CDH18: variants seen among roughly 807,000 people sequenced by gnomAD.
CDH18 encodes the protein cadherin 18.
A neutral mutation model predicts 67.9 loss-of-function variants in CDH18; 31 were observed. The observed-to-expected ratio is 0.46, with a 90% CI of 0.34 to 0.62. The LOEUF (loss-of-function observed/expected upper bound fraction) is 0.62. Among genes scored for constraint, CDH18 ranks in the 20% least tolerant of loss-of-function variants. The pLI is 0.01. For missense variants in CDH18, 890 were observed against 975.5 expected (o/e 0.91, Z 1.17); for synonymous variants, 362 against 347.2 (o/e 1.04, Z -0.48).
intron 1 of CDH18, among the ~76,000 whole-genome samples, chr5:20,343,675 C>A (rs77869597): frequency 0.017 from 2,513 of 152,168 alleles, 78 homozygotes; most frequent in African/African-American, 0.058. Context: ...ACTGGTTGAG[C>A]AAATTGCTCT....
chr5:20,274,960 C>T (rs1432150968), intron 1 of CDH18, among the ~76,000 whole-genome samples: 1 of 152,094 alleles, frequency 6.6e-6, no homozygotes, highest in Non-Finnish European at 1.5e-5. Context: ...TTTGCCTTGA[C>T]ATGCTTGTTA....
intron 5 of CDH18, among the ~76,000 whole-genome samples, chr5:19,694,517 G>T (rs1402996196): frequency 6.6e-6 from 1 of 152,046 alleles, no homozygotes; most frequent in Non-Finnish European, 1.5e-5. Context: ...TTTAATTAAG[G>T]CTAACTATAA....
chr5:20,216,957 T>A (rs541544620), intron 2 of CDH18, among the ~76,000 whole-genome samples: 1 of 151,836 alleles, frequency 6.6e-6, no homozygotes, highest in African/African-American at 2.4e-5. Context: ...GGAAACCTTA[T>A]TAGCCAGAAA....
chr5:19,621,345 C>T (rs1750667195), intron 5 of CDH18, among the ~76,000 whole-genome samples: 1 of 151,612 alleles, frequency 6.6e-6, no homozygotes, highest in Non-Finnish European at 1.5e-5. Flanking sequence ...ACCTCATCAA[C>T]ACCTGTCTTG....
At chr5:19,856,182 C>G (rs575499304) in intron 2 of CDH18, among the ~76,000 whole-genome samples, 1 of 152,326 alleles carries the variant, frequency 6.6e-6, no homozygotes, top group Non-Finnish European at 1.5e-5. Flanking sequence ...TCAGCTTCAG[C>G]TGAGAGCTGA....
chr5:19,677,719 T>C (rs1254430020), intron 5 of CDH18, among the ~76,000 whole-genome samples: 2 of 150,670 alleles, frequency 1.3e-5, no homozygotes, highest in African/African-American at 2.4e-5. Flanking sequence ...GACAGAAAAA[T>C]CTACCAAGCA....
intron 2 of CDH18, among the ~76,000 whole-genome samples, chr5:20,213,786 T>A (rs564131242): frequency 3.9e-4 from 60 of 152,234 alleles, no homozygotes; most frequent in African/African-American, 1.4e-3. Flanking sequence ...TCTTTTCTTA[T>A]TAGTCTAGCT....
intron 2 of CDH18, among the ~76,000 whole-genome samples, chr5:20,197,072 C>T (rs1221462109): frequency 1.3e-5 from 2 of 152,034 alleles, no homozygotes; most frequent in Non-Finnish European, 2.9e-5. Flanking sequence ...AGTGCAGTGG[C>T]AGGATCTCGG....
At chr5:20,102,472 T>C (rs770843469) in intron 2 of CDH18, among the ~76,000 whole-genome samples, 1 of 152,216 alleles carries the variant, frequency 6.6e-6, no homozygotes, top group African/African-American at 2.4e-5. Context: ...ATGTAACATG[T>C]GCTATAGGTT....
At chr5:20,071,362 T>C (rs1483853982) in intron 2 of CDH18, among the ~76,000 whole-genome samples, 2 of 152,076 alleles carry the variant, frequency 1.3e-5, no homozygotes, top group Admixed American at 6.6e-5. Flanking sequence ...AAAAGAGATA[T>C]GTTAAAATGA....
rs142605656 is a variant in CDH18 at position 19,922,885 on chromosome 5, A to C, written c.-257+58175T>G. On this transcript the variant is annotated intron_variant, in intron 2 of 12. Transcript: ENST00000382275. ...AAGCTATTTTTGGAGGAAGGGAAGG[A>C]AATTGACTTACCTGAAAACAAATTA... is the stretch of plus-strand genomic sequence containing the variant. 2.7e-4 allele frequency among the ~76,000 whole-genome samples: 41 copies of C among 152,290 alleles called. 1 individual carries two copies. The East Asian group carries it at 7.5e-3, about 28-fold the overall frequency.
At chr5:19,474,786 T>C (rs865927241) in intron 12 of CDH18, among the ~76,000 whole-genome samples, 3 of 152,122 alleles carry the variant, frequency 2.0e-5, no homozygotes, top group African/African-American at 4.8e-5. Context: ...TCTTGCTAAA[T>C]ATGGTGGATT....
intron 6 of CDH18, among the ~76,000 whole-genome samples, chr5:19,596,046 G>A (rs544018342): frequency 7.6e-4 from 116 of 152,258 alleles, no homozygotes; most frequent in South Asian, 3.1e-3. Flanking sequence ...TCCCTCCTTC[G>A]TTCTCACAGT....
At chr5:19,810,350 T>TA (rs1778509016) in intron 3 of CDH18, among the ~76,000 whole-genome samples, 1 of 144,180 alleles carries the variant, frequency 6.9e-6, no homozygotes, top group African/African-American at 2.6e-5. Context: ...AAAATAAAAA[T>TA]AAAATAAAAT....
chr5:19,805,770 T>C (rs1561338311), intron 3 of CDH18, among the ~76,000 whole-genome samples: 3 of 152,162 alleles, frequency 2.0e-5, no homozygotes, highest in African/African-American at 7.2e-5. Context: ...AAAAAATATT[T>C]AATCAATCTA....
At chr5:20,090,693 T>A (rs2150559193) in intron 2 of CDH18, among the ~76,000 whole-genome samples, 1 of 152,198 alleles carries the variant, frequency 6.6e-6, no homozygotes, top group East Asian at 1.9e-4. Flanking sequence ...AGTGAACTTC[T>A]CTTTCAACCT....
intron 8 of CDH18, among the ~76,000 whole-genome samples, chr5:19,545,952 T>C (rs558060110): frequency 6.6e-6 from 1 of 152,222 alleles, no homozygotes; most frequent in East Asian, 1.9e-4. Context: ...AGCACTGAAG[T>C]ACACAACCTA....
At chr5:20,204,756 G>A (rs1739743748) in intron 2 of CDH18, among the ~76,000 whole-genome samples, 1 of 151,836 alleles carries the variant, frequency 6.6e-6, no homozygotes, top group South Asian at 2.1e-4. Context: ...AAAATTGTAT[G>A]GGGGAGCTGA....
At chr5:19,861,662 G>A (rs566790945) in intron 2 of CDH18, among the ~76,000 whole-genome samples, 1 of 152,212 alleles carries the variant, frequency 6.6e-6, no homozygotes, top group Admixed American at 6.5e-5. Context: ...TATTCTAAAG[G>A]TCAAACTAAG....
Sources: gnomAD v4.1 joint callset for allele counts (sites outside exome capture counted in the v4.1 genomes callset) on GRCh38, gnomAD v4.1.1 for gene constraint, MANE v1.5 for transcripts, NCBI Gene and HGNC (gene_info 2026-07-23, HGNC 2026-07-21) for gene names.